Variants in ITPR2 observed in about 807,000 individuals in gnomAD.
ITPR2 encodes inositol 1,4,5-trisphosphate-gated calcium channel ITPR2.
In ITPR2, 207 loss-of-function variants were observed where a neutral mutation model predicts 317.1. The ratio of observed to expected loss-of-function variants is 0.65; its 90% CI spans 0.58 to 0.73. ITPR2 has a LOEUF of 0.73. Among genes scored for constraint, ITPR2 ranks in the 30% least tolerant of loss-of-function variants. The pLI is 0.00. For synonymous variants in ITPR2, 1,156 were observed against 1,149.1 expected (o/e 1.01, Z -0.12); for missense variants, 2,613 against 3,284.0 (o/e 0.80, Z 4.99).
intron 36 of ITPR2, among the ~76,000 whole-genome samples, chr12:26,554,297 T>C (rs1237705476): frequency 1.3e-5 from 2 of 152,240 alleles, no homozygotes; most frequent in African/African-American, 4.8e-5. Flanking sequence ...GTTGCAGATA[T>C]GACTGAGGAA....
In ITPR2 at chr12:26,663,744, T is replaced by C; in HGVS notation, c.1654A>G (p.Met552Val). Reference protein sequence around the residue: ...GDQRYAPYKYMLRLCYRVLRH... With the variant: ...GDQRYAPYKYVLRLCYRVLRH... ...AGGACGCGGTAACAGAGCCGCAGCA[T>C]GTACTTGTAGGGTGCATATCTTTGA... The change falls in exon 15 of 57, where the codon ATG (methionine) becomes GTG (valine). Residue 552 changes from methionine (M) to valine (V), a missense_variant. Met to Val is a conservative substitution (Grantham distance 21). Coordinates refer to ENST00000381340, the MANE Select transcript of ITPR2 (RefSeq NM_002223.4). 4 of 1,614,018 alleles carry C rather than the reference T, an allele frequency of 2.5e-6. No homozygotes were observed. The highest frequency in any genetic ancestry group is 2.5e-6 in the Non-Finnish European group (3 of 1,179,972).
intron 39 of ITPR2, 42 bp downstream of exon 39, chr12:26,494,111 T>C: frequency 6.9e-7 from 1 of 1,443,090 alleles, no homozygotes. Flanking sequence ...AAACAAGAAA[T>C]ACCAATAATA....
chr12:26,745,594 A>C (rs2137091883), intron 2 of ITPR2, among the ~76,000 whole-genome samples: 1 of 152,340 alleles, frequency 6.6e-6, no homozygotes, highest in Admixed American at 6.5e-5. Context: ...TTCCCTAACA[A>C]ATTCCTCACT....
chr12:26,492,726 G>T (rs1942836498), intron 39 of ITPR2, among the ~76,000 whole-genome samples: 1 of 152,162 alleles, frequency 6.6e-6, no homozygotes, highest in African/African-American at 2.4e-5. Flanking sequence ...TAAACAGGAG[G>T]AGTAAGTTTT....
At position 26,474,927 on chromosome 12, in the gene ITPR2, T is replaced by A. The variant is rs138042916; in HGVS notation, c.6342+369A>T. On this transcript the variant is annotated intron_variant, in intron 45 of 56. Transcript: ENST00000381340. ...GGCCAGAAACTACCTGCCGAATTTG[T>A]CCTGATTAGGACTGAATGCACCCCC... 5.3e-4 allele frequency among the ~76,000 whole-genome samples: 81 copies of A among 152,270 alleles called. No individual in the cohort carries two copies. In the East Asian group the frequency reaches 0.015, roughly 29 times the overall value.
intron 9 of ITPR2, among the ~76,000 whole-genome samples, chr12:26,708,155 A>C (rs1186049044): frequency 1.3e-5 from 2 of 152,222 alleles, no homozygotes; most frequent in African/African-American, 4.8e-5. Flanking sequence ...GTAGGAATGT[A>C]AATTAGTGCA....
At chr12:26,510,389 GAGA>G (rs146537110) in intron 37 of ITPR2, among the ~76,000 whole-genome samples, 3,592 of 152,266 alleles carry the variant, frequency 0.024, 138 homozygotes, top group African/African-American at 0.082. Flanking sequence ...AATAAAGGAT[GAGA>G]AGAAGACATG....
intron 54 of ITPR2, among the ~76,000 whole-genome samples, chr12:26,398,156 C>T (rs2136646378): frequency 6.6e-6 from 1 of 151,848 alleles, no homozygotes; most frequent in Middle Eastern, 3.4e-3. Flanking sequence ...GGTGCGGTGG[C>T]TTACACCTGC....
At position 26,428,027 on chromosome 12, in the gene ITPR2, C is replaced by T. The variant is rs1941112871; in HGVS notation, c.6831G>A (p.Met2277Ile). The change falls in exon 49 of 57, where the codon ATG becomes ATA. Residue 2277 changes from methionine to isoleucine, a missense_variant. Physicochemically the swap from Met to Ile is conservative, Grantham distance 10. Around this residue, in one of 9 missense-constraint regions of ITPR2, gnomAD observed 926 missense variants for 1,072.8 expected, o/e 0.86. Transcript: ENST00000381340. The stretch of plus-strand genomic sequence containing the variant: ...CCACAGGCTTGGAGAAGAAAAACAG[C>T]ATAGATGTGCAGATCGCAACTGCTA... ...LWIAVAICTS[M>I]LFFFSKPVGI... 2 of 1,612,326 alleles carry T rather than the reference C, an allele frequency of 1.2e-6. No homozygotes were observed. The highest frequency in any genetic ancestry group is 2.7e-5 in the African/African-American group (2 of 74,800).
intron 34 of ITPR2, among the ~76,000 whole-genome samples, chr12:26,567,996 ATTATATATATTATAT>A (rs1565609757): frequency 3.9e-3 from 20 of 5,152 alleles, no homozygotes; most frequent in Non-Finnish European, 0.02. Context: ...ATATATATAT[ATTATATATATTATAT>A]ATATATATAT....
intron 55 of ITPR2, among the ~76,000 whole-genome samples, chr12:26,371,456 GAC>G (rs928027030): frequency 1.9e-4 from 29 of 152,206 alleles, no homozygotes; most frequent in African/African-American, 7.0e-4. Flanking sequence ...AGGAAACAAA[GAC>G]AGTGAAAAAC....
intron 37 of ITPR2, among the ~76,000 whole-genome samples, chr12:26,520,705 A>G (rs1285275057): frequency 1.3e-4 from 20 of 152,194 alleles, no homozygotes. Flanking sequence ...CTAGCTATCA[A>G]TTCTTCATAT....
intron 8 of ITPR2, among the ~76,000 whole-genome samples, chr12:26,713,049 A>AG (rs1379395341): frequency 6.6e-6 from 1 of 152,218 alleles, no homozygotes; most frequent in African/African-American, 2.4e-5. Context: ...AGCAGAGGAC[A>AG]GTAGAAGAGA....
Position 26,665,853 on chromosome 12 carries a change from C to T in ITPR2, c.1551+57G>A. ...AATAGATAACTAATACAAGGCCTTT[C>T]CTGATACTGTAATTCAGAAAATAAA... On this transcript the variant is annotated intron_variant, in intron 14 of 56. Transcript: ENST00000381340. 3.4e-6 allele frequency: 5 copies of T among 1,478,202 alleles called. No homozygotes were observed. In the South Asian group the frequency reaches 6.1e-5, roughly 18 times the overall value. 91.6% of individuals were successfully genotyped at this position (1,478,202 alleles called of 1,614,324 possible). A position where few individuals can be genotyped will look rare whatever the true frequency, so the allele number is the denominator to read the frequency against.
intron 37 of ITPR2, among the ~76,000 whole-genome samples, chr12:26,536,476 G>A (rs1049652695): frequency 6.6e-6 from 1 of 152,214 alleles, no homozygotes. Flanking sequence ...GAAGAACCGG[G>A]AAATTTGAGG....
At chr12:26,396,210 A>C (rs1281595508) in intron 54 of ITPR2, among the ~76,000 whole-genome samples, 1 of 152,092 alleles carries the variant, frequency 6.6e-6, no homozygotes, top group Non-Finnish European at 1.5e-5. Flanking sequence ...AAAAAAATAC[A>C]GGGTGTGGGT....
intron 1 of ITPR2, among the ~76,000 whole-genome samples, chr12:26,796,018 C>A (rs1185777133): frequency 6.7e-6 from 1 of 149,712 alleles, no homozygotes; most frequent in Non-Finnish European, 1.5e-5. Flanking sequence ...GGGCAACACA[C>A]AAAATCAGTT....
At chr12:26,802,413 C>T (rs1006926737) in intron 1 of ITPR2, among the ~76,000 whole-genome samples, 11 of 151,818 alleles carry the variant, frequency 7.2e-5, no homozygotes, top group Non-Finnish European at 1.0e-4. Flanking sequence ...TTTGCGAGGC[C>T]GAGGCAGGAG....
At chr12:26,778,744 A>G (rs1225879962) in intron 2 of ITPR2, among the ~76,000 whole-genome samples, 1 of 152,232 alleles carries the variant, frequency 6.6e-6, no homozygotes, top group African/African-American at 2.4e-5. Context: ...AGCAAGAAGT[A>G]GCAAACACAC....
Sources: allele counts gnomAD v4.1 joint callset (sites outside exome capture counted in the v4.1 genomes callset), GRCh38; gene constraint gnomAD v4.1.1; regional missense constraint gnomAD v4.1.1; transcripts MANE v1.5; gene names NCBI Gene and HGNC (gene_info 2026-07-23, HGNC 2026-07-21).